RYR1: variants seen among roughly 807,000 people sequenced by gnomAD.
RYR1 encodes the protein central core disease of muscle.
Under a neutral mutation model 583.5 loss-of-function variants are expected in RYR1, and 342 were observed. The ratio of observed to expected loss-of-function variants is 0.59; its 90% CI spans 0.54 to 0.64. The LOEUF is 0.64. Ranked by LOEUF, RYR1 falls within the 30% of genes least tolerant of loss-of-function variation. The pLI is 0.00. For missense variants in RYR1, 6,032 were observed against 6,917.2 expected, an observed-to-expected ratio of 0.87 and a Z score of 4.54; for synonymous variants, 2,791 against 2,822.5, an observed-to-expected ratio of 0.99 and a Z score of 0.35.
chr19:38,586,243 G>GTGGGGTACTAAGTACC (rs1974483502), intron 104 of RYR1, 52 bp downstream of exon 104: 2 of 1,510,424 alleles, frequency 1.3e-6, no homozygotes, highest in East Asian at 2.3e-5. Flanking sequence ...GCTGCCAATA[G>GTGGGGTACTAAGTACC]CCAGCAGTGG....
At chr19:38,558,099 A>C (rs1257516776) in intron 89 of RYR1, among the ~76,000 whole-genome samples, 2 of 152,120 alleles carry the variant, frequency 1.3e-5, no homozygotes, top group Non-Finnish European at 2.9e-5. Flanking sequence ...GCTTGAGCCC[A>C]GGAGTTCAAG....
intron 67 of RYR1, among the ~76,000 whole-genome samples, chr19:38,522,419 T>C (rs752485329): frequency 6.6e-6 from 1 of 151,732 alleles, no homozygotes; most frequent in Non-Finnish European, 1.5e-5. Context: ...CTGGACAACC[T>C]AGGGAGACCC....
intron 33 of RYR1, among the ~76,000 whole-genome samples, chr19:38,484,436 C>T (rs1426784853): frequency 6.6e-6 from 1 of 151,150 alleles, no homozygotes; most frequent in Non-Finnish European, 1.5e-5. Context: ...CCCTCCCTCC[C>T]TCCCTTCCTT....
rs1342477915 is a variant in RYR1, at chr19:38,452,839, G to A, written c.1265G>A (p.Gly422Glu). ...QFIKSLDSFS[G>E]KPRGSGPPAG... ...TGTAGGAGCCTGGACAGCTTCAGCG[G>A]GAAGCCACGGGGCTCGGGGCCACCC... Residue 422 changes from glycine to glutamate, a missense_variant, in exon 13 of 106, where the codon GGG (glycine) becomes GAG (glutamate). Around this residue, in one of 11 missense-constraint regions of RYR1, gnomAD observed 2,627 missense variants for 2,961.3 expected, o/e 0.89. Coordinates refer to ENST00000359596, the MANE Select transcript of RYR1 (RefSeq NM_000540.3). The A allele has an allele frequency of 3.1e-6, 5 of 1,600,004 alleles. No individual in the cohort carries two copies. Among genetic ancestry groups the A allele is most frequent in the Non-Finnish European group, 3.4e-6 (4 of 1,173,630 alleles).
Position 38,459,166 on chromosome 19 carries a change from A to T in RYR1, c.2188A>T (p.Thr730Ser). 6.2e-7 allele frequency: 1 copy of T among 1,613,626 alleles called. No individual in the cohort carries two copies. The highest frequency in any genetic ancestry group is 8.5e-7 in the Non-Finnish European group (1 of 1,180,004). Residue 730 changes from threonine (T) to serine (S), a missense_variant, in exon 19 of 106, where the codon ACT becomes TCT. Coordinates refer to ENST00000359596, the MANE Select transcript of RYR1 (RefSeq NM_000540.3). ...LWTGHVARPV[T>S]SPGQHLLAPE... ...TGCAGGACACGTGGCACGCCCAGTG[A>T]CTTCCCCAGGGCAGCACCTCCTGGC...
intron 9 of RYR1, among the ~76,000 whole-genome samples, chr19:38,447,730 T>A (rs1311593260): frequency 6.6e-6 from 1 of 150,842 alleles, no homozygotes; most frequent in Non-Finnish European, 1.5e-5. Flanking sequence ...TAATCCCAGC[T>A]TCTCGGGAGG....
chr19:38,477,953 G>T (rs1304282418), intron 30 of RYR1, 83 bp downstream of exon 30: 3 of 1,402,730 alleles, frequency 2.1e-6, no homozygotes, highest in Non-Finnish European at 3.0e-6. Context: ...CTCTGTGGCT[G>T]CCTGGTTGTG....
At chr19:38,457,349 C>G in intron 16 of RYR1, 148 bp from the exon 17 acceptor site, 2 of 1,100,492 alleles carry the variant, frequency 1.8e-6, no homozygotes, top group Non-Finnish European at 2.8e-6. Context: ...CCCTGACCTT[C>G]CACTTTCACC....
intron 1 of RYR1, among the ~76,000 whole-genome samples, chr19:38,438,989 G>C (rs928415151): frequency 1.3e-5 from 2 of 151,898 alleles, no homozygotes; most frequent in Non-Finnish European, 2.9e-5. Flanking sequence ...GAGATTTGCA[G>C]GTGTGAACCA....
Position 38,510,656 on chromosome 19 carries a change from C to A in RYR1, c.9001-4C>A. 2 of 1,614,174 alleles carry A rather than the reference C, an allele frequency of 1.2e-6. No homozygotes were observed. The highest frequency in any genetic ancestry group is 8.5e-7 in the Non-Finnish European group (1 of 1,180,026). ...ACCCTTTATCTCCCCCAACCCGTCT[C>A]CAGATCCTGCTCCCTTTGATCAACC... On this transcript the variant is annotated splice_polypyrimidine_tract_variant and splice_region_variant and intron_variant, in intron 59 of 105. Coordinates refer to ENST00000359596, the MANE Select transcript of RYR1 (RefSeq NM_000540.3).
In RYR1 at chr19:38,548,322, G is replaced by A. The variant is rs761408598; in HGVS notation, c.12184G>A (p.Asp4062Asn). 8 of 1,614,064 alleles carry A rather than the reference G, an allele frequency of 5.0e-6. No individual in the cohort carries two copies. Among genetic ancestry groups the A allele is most frequent in the Admixed American group, 3.3e-5 (2 of 59,996 alleles). Residue 4062 changes from aspartate to asparagine, a missense_variant, in exon 89 of 106, where the codon GAC becomes AAC. By Grantham distance (23) the Asp-to-Asn change is conservative. Coordinates refer to ENST00000359596, the MANE Select transcript of RYR1 (RefSeq NM_000540.3). ...SNVEMILKFFDMFLKLKDIVG... is the reference protein window; with the variant it reads ...SNVEMILKFFNMFLKLKDIVG... Reference sequence around the variant, plus strand: ...TGTGGAGATGATCCTCAAGTTCTTCGACATGTTCCTGAAACTCAAGGACAT... The same window carrying A: ...TGTGGAGATGATCCTCAAGTTCTTCAACATGTTCCTGAAACTCAAGGACAT...
At chr19:38,507,678 C>G (rs1970536065) in intron 57 of RYR1, 34 bp from the exon 58 acceptor site, 1 of 1,368,742 alleles carries the variant, frequency 7.3e-7, no homozygotes. Context: ...GGGCCGGCGT[C>G]TGGGCTGATC....
intron 101 of RYR1, among the ~76,000 whole-genome samples, chr19:38,581,750 T>C (rs1165922993): frequency 6.6e-6 from 1 of 151,916 alleles, no homozygotes; most frequent in Admixed American, 6.6e-5. Flanking sequence ...AGGCGCACAC[T>C]ACCACACCCA....
intron 70 of RYR1, among the ~76,000 whole-genome samples, 192 bp downstream of exon 70, chr19:38,524,121 A>C: frequency 1.1e-5 from 1 of 89,574 alleles, no homozygotes; most frequent in African/African-American, 4.4e-5. Flanking sequence ...CCCAACCCTC[A>C]GCTTTTGGCA....
Position 38,499,923 on chromosome 19 carries a change from G to A in RYR1, c.7230G>A (p.Pro2410=), listed in dbSNP as rs776145819. ...DRRREHFGEE[P]PEENRVHLGH... ...TTCCCTGCAGCTTTGGTGAGGAACC[G>A]CCTGAAGAAAACCGGGTGCACCTGG... Residue 2410 remains proline (P), a synonymous_variant, in exon 45 of 106, where the codon CCG becomes CCA. Transcript: ENST00000359596. The surrounding 1 kb of genome is among the most constrained non-coding windows in gnomAD (Gnocchi z 7.3). The A allele has an allele frequency of 9.4e-6, 15 of 1,588,444 alleles. No individual in the cohort carries two copies. In the African/African-American group the frequency reaches 1.5e-4, roughly 16 times the overall value.
chr19:38,433,845 G>A lies in RYR1; in HGVS notation c.16G>A (p.Gly6Ser). 3 of 1,596,400 alleles carry A rather than the reference G, an allele frequency of 1.9e-6. No individual in the cohort carries two copies. Among genetic ancestry groups the A allele is most frequent in the Non-Finnish European group, 2.6e-6 (3 of 1,169,606 alleles). The change falls in exon 1 of 106, where the codon GGC becomes AGC. Residue 6 changes from glycine to serine, a missense_variant. Physicochemically the swap from Gly to Ser is moderately conservative, Grantham distance 56 (BLOSUM62 0). Coordinates refer to ENST00000359596, the MANE Select transcript of RYR1 (RefSeq NM_000540.3). MGDAE[G>S]EDEVQFLRTD... Reference sequence around the variant, plus strand: ...CCTCGACATCATGGGTGACGCAGAAGGCGAAGACGAGGTCCAGTTCCTGCG... The same window carrying A: ...CCTCGACATCATGGGTGACGCAGAAAGCGAAGACGAGGTCCAGTTCCTGCG...
chr19:38,473,797 G>T (rs866813170), intron 28 of RYR1, 26 bp downstream of exon 28: 1 of 1,481,008 alleles, frequency 6.8e-7, no homozygotes, highest in African/African-American at 1.4e-5. Context: ...CCCAGAGTGG[G>T]GATTGGGGGC....
At chr19:38,473,015 C>CA (rs199613372) in intron 27 of RYR1, among the ~76,000 whole-genome samples, 2,939 of 74,384 alleles carry the variant, frequency 0.04, 75 homozygotes, top group African/African-American at 0.085. Flanking sequence ...GACTGTGTCT[C>CA]AAAAAAAAAA....
At chr19:38,502,780 C>G (rs1168570622) in intron 48 of RYR1, 53 bp downstream of exon 48, 103 of 666,908 alleles carry the variant, frequency 1.5e-4, no homozygotes, top group African/African-American at 4.5e-4. Flanking sequence ...GGGGCAGGGG[C>G]AGGGGCAGGG....
Sources: gnomAD v4.1 joint callset for allele counts (sites outside exome capture counted in the v4.1 genomes callset) on GRCh38, gnomAD v4.1.1 for gene constraint, gnomAD v4.1.1 regional missense constraint, Gnocchi (gnomAD v3.1) non-coding constraint, MANE v1.5 for transcripts, NCBI Gene and HGNC (gene_info 2026-07-23, HGNC 2026-07-21) for gene names.